The following STAG1 variants were observed in gnomAD, a reference collection of about 807,000 sequenced individuals.
The protein encoded by STAG1 is cohesin subunit SA-1.
Under a neutral mutation model 170.9 loss-of-function variants are expected in STAG1, and 26 were observed. The ratio of observed to expected loss-of-function variants is 0.15; its 90% CI spans 0.11 to 0.21. The LOEUF is 0.21. Ranked by LOEUF, STAG1 falls within the 10% of genes least tolerant of loss-of-function variation. The pLI is 1.00. For synonymous variants in STAG1, 514 were observed against 497.7 expected, an observed-to-expected ratio of 1.03 and a Z score of -0.44; for missense variants, 964 against 1,509.5, an observed-to-expected ratio of 0.64 and a Z score of 5.99.
At chr3:136,663,858 A>G (rs187180607) in intron 1 of STAG1, among the ~76,000 whole-genome samples, 1 of 152,318 alleles carries the variant, frequency 6.6e-6, no homozygotes, top group African/African-American at 2.4e-5. Flanking sequence ...GAAAATATAA[A>G]ACAACCGAGA....
intron 2 of STAG1, among the ~76,000 whole-genome samples, chr3:136,625,564 GTTA>G (rs1444228257): frequency 2.6e-5 from 4 of 152,254 alleles, no homozygotes; most frequent in African/African-American, 9.6e-5. Context: ...TATGCTTTAA[GTTA>G]TTATACAAAT....
chr3:136,709,256 C>T (rs1021925577), intron 1 of STAG1, among the ~76,000 whole-genome samples: 2 of 151,736 alleles, frequency 1.3e-5, no homozygotes, highest in African/African-American at 2.4e-5. Context: ...TGCCACTGCA[C>T]TCCAGCCTGG....
At chr3:136,625,351 A>T (rs1357192674) in intron 2 of STAG1, among the ~76,000 whole-genome samples, 1 of 152,192 alleles carries the variant, frequency 6.6e-6, no homozygotes, top group African/African-American at 2.4e-5. Flanking sequence ...TTCTATGCAA[A>T]TGACTTCAAT....
At chr3:136,363,761 ATTCTTGTTTT>A (rs1281347401) in intron 25 of STAG1, among the ~76,000 whole-genome samples, 1 of 152,088 alleles carries the variant, frequency 6.6e-6, no homozygotes, top group Non-Finnish European at 1.5e-5. Flanking sequence ...AAAATTCCCC[ATTCTTGTTTT>A]TTCTTGTTTG....
chr3:136,717,986 G>T (rs981958279), intron 1 of STAG1, among the ~76,000 whole-genome samples: 1 of 152,098 alleles, frequency 6.6e-6, no homozygotes, highest in Non-Finnish European at 1.5e-5. Flanking sequence ...TTTTCTGATA[G>T]AAGGGGAGGA....
rs1934415240 is a variant in STAG1, at chr3:136,737,597, ACTACCT to A, written c.-84+14592_-84+14597del. Among the ~76,000 whole-genome samples the A allele has an allele frequency of 9.9e-5, 15 of 152,214 alleles. No homozygotes were observed. The South Asian group carries it at 3.1e-3, about 32-fold the overall frequency. On this transcript the variant is annotated intron_variant, in intron 1 of 33. Coordinates refer to ENST00000383202, the MANE Select transcript of STAG1 (RefSeq NM_005862.3). ...CTACCTAGTCTGCCTTTTTCACCAT[ACTACCT>A]CTTGCTTCCTGGCTTTCAGTTAATG... is the stretch of plus-strand genomic sequence containing the variant.
chr3:136,455,225 C>T (rs1307007065), intron 13 of STAG1, among the ~76,000 whole-genome samples: 5 of 152,132 alleles, frequency 3.3e-5, no homozygotes, highest in African/African-American at 1.2e-4. Flanking sequence ...ACTCCCCCTA[C>T]CAAGATACAA....
intron 1 of STAG1, among the ~76,000 whole-genome samples, chr3:136,722,752 G>A (rs1165617974): frequency 6.6e-6 from 1 of 151,514 alleles, no homozygotes; most frequent in Non-Finnish European, 1.5e-5. Flanking sequence ...GCCGAAGCTG[G>A]ACTGTACTGC....
intron 30 of STAG1, among the ~76,000 whole-genome samples, chr3:136,343,454 C>A (rs1936084156): frequency 6.6e-6 from 1 of 152,208 alleles, no homozygotes; most frequent in South Asian, 2.1e-4. Context: ...AAGCTAAATA[C>A]AGTCTATTTA....
chr3:136,609,571 C>G (rs1262413021), intron 3 of STAG1: 1 of 153,232 alleles, frequency 6.5e-6, no homozygotes, highest in Non-Finnish European at 1.5e-5. Context: ...AGTCCAGCTT[C>G]TGGTGAAGCC....
At chr3:136,386,112 CG>C (rs1490480600) in intron 22 of STAG1, among the ~76,000 whole-genome samples, 1 of 152,068 alleles carries the variant, frequency 6.6e-6, no homozygotes, top group East Asian at 1.9e-4. Context: ...CCGAGGCAGG[CG>C]GATCACAAGG....
At chr3:136,565,011 A>AAGGAAGGAAGGCAGGC (rs1207671431) in intron 5 of STAG1, among the ~76,000 whole-genome samples, 11 of 45,440 alleles carry the variant, frequency 2.4e-4, no homozygotes, top group Non-Finnish European at 4.9e-4. Context: ...GGAAGGAAGG[A>AAGGAAGGAAGGCAGGC]AGGCAGGCAG....
chr3:136,617,373 T>C (rs1445887293), intron 3 of STAG1, among the ~76,000 whole-genome samples: 1 of 152,216 alleles, frequency 6.6e-6, no homozygotes, highest in Non-Finnish European at 1.5e-5. Context: ...AGTCCTTCTT[T>C]AGGCTGGATG....
intron 26 of STAG1, among the ~76,000 whole-genome samples, chr3:136,360,239 A>G (rs892232149): frequency 6.6e-6 from 1 of 152,206 alleles, no homozygotes; most frequent in African/African-American, 2.4e-5. Context: ...ACTTTCACCT[A>G]AAGCCATTCC....
At chr3:136,740,727 G>C (rs775847989) in intron 1 of STAG1, among the ~76,000 whole-genome samples, 3 of 151,996 alleles carry the variant, frequency 2.0e-5, no homozygotes, top group Non-Finnish European at 4.4e-5. Context: ...GTGATCGCCC[G>C]CCCCAGCCTC....
chr3:136,457,185 C>T (rs1378270996), intron 13 of STAG1, among the ~76,000 whole-genome samples: 1 of 152,028 alleles, frequency 6.6e-6, no homozygotes, highest in African/African-American at 2.4e-5. Flanking sequence ...GGCTGCCCTG[C>T]CGCACCACAA....
At chr3:136,387,631 TA>T (rs754995379) in intron 22 of STAG1, among the ~76,000 whole-genome samples, 74 of 152,174 alleles carry the variant, frequency 4.9e-4, no homozygotes, top group African/African-American at 1.7e-3. Context: ...TTCAGAGGGA[TA>T]GGGGGAGAGT....
At chr3:136,644,702 AT>A (rs556844163) in intron 1 of STAG1, among the ~76,000 whole-genome samples, 6 of 147,950 alleles carry the variant, frequency 4.1e-5, no homozygotes, top group Middle Eastern at 3.5e-3. Flanking sequence ...TATTTCTGTC[AT>A]TTTTTTTTTG....
chr3:136,525,141 G>A (rs903508289), intron 6 of STAG1, among the ~76,000 whole-genome samples: 2 of 151,934 alleles, frequency 1.3e-5, no homozygotes, highest in East Asian at 1.9e-4. Context: ...CCTCTTTTTC[G>A]GTTGATTGGA....
Sources: allele counts gnomAD v4.1 joint callset (sites outside exome capture counted in the v4.1 genomes callset), GRCh38; gene constraint gnomAD v4.1.1; transcripts MANE v1.5; gene names NCBI Gene and HGNC (gene_info 2026-07-23, HGNC 2026-07-21).